Variants in SLC24A2 observed in about 807,000 individuals in gnomAD.
The protein encoded by SLC24A2 is sodium/potassium/calcium exchanger 2.
SLC24A2 carries 36 observed loss-of-function variants against 62.0 expected under a neutral mutation model. That is an observed-to-expected ratio of 0.58 (90% CI 0.44 to 0.77). The LOEUF (loss-of-function observed/expected upper bound fraction) is 0.77, where lower values mean the gene tolerates loss of function less well. SLC24A2 is among the 30% of genes least tolerant of loss of function. SLC24A2 has a pLI of 0.00. For missense variants in SLC24A2, 846 were observed against 817.9 expected (o/e 1.03, Z -0.42); for synonymous variants, 358 against 294.0 (o/e 1.22, Z -2.23).
the SLC24A2 span, among the ~76,000 whole-genome samples, chr9:19,950,828 C>G: frequency 2.6e-5 from 4 of 152,104 alleles, no homozygotes; most frequent in Non-Finnish European, 5.9e-5. Flanking sequence ...AACATCATAA[C>G]AAAAGGAAGT....
chr9:20,231,477 T>C, the SLC24A2 span, among the ~76,000 whole-genome samples: 5 of 152,208 alleles, frequency 3.3e-5, no homozygotes, highest in South Asian at 4.1e-4. Flanking sequence ...TTCCTAGGTA[T>C]TTTATTCTCT....
At chr9:20,104,313 G>A in the SLC24A2 span, among the ~76,000 whole-genome samples, 253 of 152,304 alleles carry the variant, frequency 1.7e-3, 1 homozygote, top group African/African-American at 5.7e-3. Flanking sequence ...AATCTAGCAA[G>A]GCAGGCCAAC....
At chr9:19,594,496 C>A (rs80243881) in intron 5 of SLC24A2, among the ~76,000 whole-genome samples, 6,419 of 152,066 alleles carry the variant, frequency 0.042, 382 homozygotes, top group East Asian at 0.31. Context: ...AACCAACCAA[C>A]CAAACAAACA....
chr9:20,168,569 G>A, the SLC24A2 span, among the ~76,000 whole-genome samples: 2 of 151,940 alleles, frequency 1.3e-5, no homozygotes, highest in East Asian at 1.9e-4. Context: ...TTCAAAAAAA[G>A]ATATATAAAT....
chr9:20,234,249 A>G, the SLC24A2 span, among the ~76,000 whole-genome samples: 233 of 152,000 alleles, frequency 1.5e-3, 4 homozygotes, highest in Non-Finnish European at 1.3e-3. Context: ...CGTTCTCTGT[A>G]TTTCCTGAAT....
chr9:19,770,263 T>G (rs1822644624), intron 2 of SLC24A2, among the ~76,000 whole-genome samples: 1 of 151,958 alleles, frequency 6.6e-6, no homozygotes, highest in African/African-American at 2.4e-5. Context: ...TCTCTTGGTT[T>G]TGGATCTCGG....
chr9:19,984,003 C>T, the SLC24A2 span, among the ~76,000 whole-genome samples: 3 of 152,306 alleles, frequency 2.0e-5, no homozygotes, highest in African/African-American at 7.2e-5. Context: ...TGCTCCTCAA[C>T]TTACAATGTG....
the SLC24A2 span, among the ~76,000 whole-genome samples, chr9:19,919,719 AG>A: frequency 1.3e-3 from 205 of 152,330 alleles, 2 homozygotes; most frequent in African/African-American, 4.7e-3. Flanking sequence ...TCATGGCAGA[AG>A]GGGAAGCAAA....
At chr9:20,161,550 G>T in the SLC24A2 span, among the ~76,000 whole-genome samples, 1 of 151,058 alleles carries the variant, frequency 6.6e-6, no homozygotes, top group East Asian at 2.0e-4. Flanking sequence ...TTTATCTAAG[G>T]GATGAAAGGA....
At chr9:20,298,310 C>T in the SLC24A2 span, among the ~76,000 whole-genome samples, 1 of 152,216 alleles carries the variant, frequency 6.6e-6, no homozygotes, top group South Asian at 2.1e-4. Flanking sequence ...GCTCACTGTA[C>T]CTCCACCTTC....
In SLC24A2 at chr9:19,708,993, C is replaced by T. The variant is rs543101429; in HGVS notation, c.930+76944G>A. Among the ~76,000 whole-genome samples the T allele has an allele frequency of 4.9e-3, 739 of 152,046 alleles. 4 individuals are homozygous for T. Among genetic ancestry groups the T allele is most frequent in the African/African-American group, 0.017 (693 of 41,446 alleles). On this transcript the variant is annotated intron_variant, in intron 2 of 10. Transcript: ENST00000341998. ...AACCTACAAAATGGGAGAAAATTTT[C>T]GCAACCTACTCATCTGACAAAGGGC...
At chr9:19,924,769 G>A in the SLC24A2 span, among the ~76,000 whole-genome samples, 1 of 152,186 alleles carries the variant, frequency 6.6e-6, no homozygotes, top group Non-Finnish European at 1.5e-5. Flanking sequence ...AAAGTGAAAT[G>A]ACTTCTTCAC....
the SLC24A2 span, among the ~76,000 whole-genome samples, chr9:20,150,009 G>A: frequency 6.6e-6 from 1 of 152,160 alleles, no homozygotes; most frequent in African/African-American, 2.4e-5. Flanking sequence ...ACTGTGGCAT[G>A]TGACTATAGG....
intron 2 of SLC24A2, among the ~76,000 whole-genome samples, chr9:19,725,590 T>G (rs1323757379): frequency 6.6e-6 from 1 of 152,158 alleles, no homozygotes; most frequent in African/African-American, 2.4e-5. Flanking sequence ...AGCATTTTAT[T>G]TTATGTGCAC....
chr9:20,089,155 C>T, the SLC24A2 span, among the ~76,000 whole-genome samples: 1 of 152,176 alleles, frequency 6.6e-6, no homozygotes, highest in East Asian at 1.9e-4. Flanking sequence ...ACAGCCCTTG[C>T]CCTTGCTGTC....
At chr9:20,019,779 C>G in the SLC24A2 span, among the ~76,000 whole-genome samples, 7 of 151,426 alleles carry the variant, frequency 4.6e-5, no homozygotes, top group African/African-American at 1.7e-4. Flanking sequence ...TCAGAGTGAA[C>G]AGGCAACCTA....
intron 7 of SLC24A2, among the ~76,000 whole-genome samples, chr9:19,572,351 C>G (rs1428128234): frequency 1.3e-5 from 2 of 151,356 alleles, no homozygotes; most frequent in African/African-American, 4.9e-5. Flanking sequence ...TATGGTTTGG[C>G]TCTGTGTCCC....
the SLC24A2 span, among the ~76,000 whole-genome samples, chr9:20,274,846 G>GC: frequency 6.6e-6 from 1 of 151,920 alleles, no homozygotes; most frequent in East Asian, 1.9e-4. Flanking sequence ...GGATGAGCAT[G>GC]CCACGGTGCA....
At chr9:19,732,620 T>G (rs1056831219) in intron 2 of SLC24A2, among the ~76,000 whole-genome samples, 2 of 152,160 alleles carry the variant, frequency 1.3e-5, no homozygotes, top group Non-Finnish European at 2.9e-5. Context: ...AGTCATACAT[T>G]AGTATATAAT....
Sources: gnomAD v4.1 joint callset for allele counts (sites outside exome capture counted in the v4.1 genomes callset) on GRCh38, gnomAD v4.1.1 for gene constraint, MANE v1.5 for transcripts, NCBI Gene and HGNC (gene_info 2026-07-23, HGNC 2026-07-21) for gene names.